The following COPG1 variants were observed in gnomAD, a reference collection of about 807,000 sequenced individuals.
COPG1 encodes coatomer subunit gamma-1.
Under a neutral mutation model 102.8 loss-of-function variants are expected in COPG1, and 29 were observed. The ratio of observed to expected loss-of-function variants is 0.28; its 90% CI spans 0.21 to 0.38. COPG1 has a LOEUF of 0.38. Among genes scored for constraint, COPG1 ranks in the 10% least tolerant of loss-of-function variants. The pLI is 1.00. For synonymous variants in COPG1, 406 were observed against 421.6 expected (o/e 0.96, Z 0.45); for missense variants, 875 against 1,132.7 (o/e 0.77, Z 3.27).
Position 129,271,909 on chromosome 3 carries a change from G to A in COPG1, c.1986G>A (p.Gln662=). The change falls in exon 19 of 24, where the codon CAG becomes CAA. Residue 662 remains glutamine, a splice_region_variant and synonymous_variant. Transcript: ENST00000314797. This position sits in a 1 kb window ranked among gnomAD's most constrained non-coding sequence, Gnocchi z 4.7. ...CCTTCACCAACCACATGGTTTTTCA[G>A]GTGAGCAAGGTGGGCTGAGGCCCTG... The part of the protein sequence containing the change: ...KHTFTNHMVF[Q]FDCTNTLNDQ... 6.2e-7 allele frequency: 1 copy of A among 1,613,804 alleles called. No homozygotes were observed. Among genetic ancestry groups the A allele is most frequent in the Non-Finnish European group, 8.5e-7 (1 of 1,179,894 alleles).
intron 20 of COPG1, 104 bp downstream of exon 20, chr3:129,272,519 C>T: frequency 1.1e-6 from 1 of 944,916 alleles, no homozygotes; most frequent in Non-Finnish European, 1.6e-6. Flanking sequence ...AGAGCTTCAG[C>T]TCCTTGATTT....
intron 5 of COPG1, among the ~76,000 whole-genome samples, chr3:129,254,086 C>T (rs909966315): frequency 3.3e-5 from 5 of 150,804 alleles, no homozygotes; most frequent in South Asian, 2.1e-4. Context: ...ATCACAAGGT[C>T]GGGAGTTCAA....
chr3:129,254,584 T>C, intron 5 of COPG1, 84 bp from the exon 6 acceptor site: 12 of 969,746 alleles, frequency 1.2e-5, no homozygotes, highest in Non-Finnish European at 1.8e-5. Context: ...CGTGTAGTAA[T>C]CTGGGCAAGG....
In COPG1 at chr3:129,257,926, C is replaced by A. The variant is rs199856812; in HGVS notation, c.871+66C>A. 21 of 1,578,728 alleles carry A rather than the reference C, an allele frequency of 1.3e-5. No individual in the cohort carries two copies. The East Asian group carries it at 4.0e-4, about 30-fold the overall frequency. On this transcript the variant is annotated intron_variant, in intron 10 of 23. Coordinates refer to ENST00000314797, the MANE Select transcript of COPG1 (RefSeq NM_016128.4). The stretch of plus-strand genomic sequence containing the variant: ...TTGCTGGGAACTAGGCCTGGGTTCC[C>A]GGGCTAGGAGAAAGAAAGAAAATGC...
At chr3:129,252,516 T>C in intron 3 of COPG1, 107 bp from the exon 4 acceptor site, 1 of 1,074,154 alleles carries the variant, frequency 9.3e-7, no homozygotes, top group Admixed American at 1.9e-5. Context: ...TCTCATATGT[T>C]GCCCTTGAGC....
At chr3:129,272,783 C>G (rs962464678) in intron 20 of COPG1, 24 bp from the exon 21 acceptor site, 2 of 1,540,922 alleles carry the variant, frequency 1.3e-6, no homozygotes. Context: ...GACATCCTAA[C>G]TACCCAGCCT....
chr3:129,265,665 G>A lies in COPG1; in HGVS notation c.1341G>A (p.Glu447=). The part of the protein sequence containing the change: ...SHLCEFIEDC[E]FTVLATRILH... ...TGTGCGAGTTCATCGAGGACTGCGAGTTCACAGTGCTGGCCACCCGTATTC... is the reference window on the plus strand; with the variant it reads ...TGTGCGAGTTCATCGAGGACTGCGAATTCACAGTGCTGGCCACCCGTATTC... Residue 447 remains glutamate (E), a synonymous_variant, in exon 14 of 24, where the codon GAG becomes GAA. Coordinates refer to ENST00000314797, the MANE Select transcript of COPG1 (RefSeq NM_016128.4). The A allele has an allele frequency of 6.2e-7, 1 of 1,614,204 alleles. No homozygotes were observed.
At chr3:129,265,486 T>C (rs1940035371) in intron 13 of COPG1, 63 bp from the exon 14 acceptor site, 1 of 1,584,194 alleles carries the variant, frequency 6.3e-7, no homozygotes, top group Non-Finnish European at 8.6e-7. Flanking sequence ...TTGGTCCAGC[T>C]CAGGTCTTCA....
rs779226576 is a variant in COPG1, at chr3:129,255,081, T to C, written c.492+4T>C. 1 of 1,608,068 alleles carries C rather than the reference T, an allele frequency of 6.2e-7. No individual in the cohort carries two copies. The highest frequency in any genetic ancestry group is 1.1e-5 in the South Asian group (1 of 90,910). ...CTCTGCCCTCGTGTCTTCCTTGGTG[T>C]GTAGTTGCTGCTGGAGCCCTGCTGG... On this transcript the variant is annotated splice_donor_region_variant and intron_variant, in intron 7 of 23. Transcript: ENST00000314797.
chr3:129,272,484 G>A, intron 20 of COPG1, 69 bp downstream of exon 20: 1 of 1,339,666 alleles, frequency 7.5e-7, no homozygotes, highest in Non-Finnish European at 1.0e-6. Flanking sequence ...GTGGGCGGCT[G>A]GGCACCAGCT....
At chr3:129,272,126 G>A in intron 19 of COPG1, 118 bp from the exon 20 acceptor site, 1 of 1,093,482 alleles carries the variant, frequency 9.1e-7, no homozygotes, top group South Asian at 1.5e-5. Flanking sequence ...CTGGGGCAGG[G>A]GGACTGGGAT....
intron 13 of COPG1, among the ~76,000 whole-genome samples, chr3:129,264,821 G>GTTT (rs112474062): frequency 6.9e-6 from 1 of 145,026 alleles, no homozygotes; most frequent in Non-Finnish European, 1.5e-5. Flanking sequence ...CATGATAGCA[G>GTTT]TTTTTTTTTT....
rs751722653 is a variant in COPG1, at chr3:129,257,581, A to G, written c.691A>G (p.Met231Val). 2.5e-6 allele frequency: 4 copies of G among 1,614,126 alleles called. No individual in the cohort carries two copies. The highest frequency in any genetic ancestry group is 4.5e-5 in the East Asian group (2 of 44,898). ...CCTTAAGTCTCCCTTTGCCTACTGC[A>G]TGATGATCCGGGTGGCCAGCAAGCA... ...HGLKSPFAYC[M>V]MIRVASKQLE... The change falls in exon 9 of 24, where the codon ATG (methionine) becomes GTG (valine). Residue 231 changes from methionine to valine, a missense_variant. By Grantham distance (21) the Met-to-Val change is conservative. Coordinates refer to ENST00000314797, the MANE Select transcript of COPG1 (RefSeq NM_016128.4).
chr3:129,268,167 C>T, intron 16 of COPG1, 127 bp downstream of exon 16: 1 of 787,824 alleles, frequency 1.3e-6, no homozygotes, highest in Non-Finnish European at 2.1e-6. Flanking sequence ...CTCATGGCAT[C>T]ATGGTGACCT....
intron 21 of COPG1, among the ~76,000 whole-genome samples, chr3:129,273,588 A>G (rs1021239975): frequency 5.3e-5 from 8 of 152,214 alleles, no homozygotes; most frequent in South Asian, 2.1e-4. Flanking sequence ...ATACTGTTAT[A>G]TACTATGTCA....
Position 129,257,745 on chromosome 3 carries a change from T to C in COPG1, c.756T>C (p.Phe252=), listed in dbSNP as rs773358694. ...EEDGSRDSPL[F]DFIESCLRNK... is the part of the protein sequence containing the mutation. ...TTTGTAGCCGTGACAGCCCACTGTT[T>C]GACTTCATCGAGAGCTGCTTGCGCA... The change falls in exon 10 of 24, where the codon TTT becomes TTC. Residue 252 remains phenylalanine, a synonymous_variant. Coordinates refer to ENST00000314797, the MANE Select transcript of COPG1 (RefSeq NM_016128.4). 6.2e-6 allele frequency: 10 copies of C among 1,614,158 alleles called. 1 individual carries two copies. In the Admixed American group the frequency reaches 8.3e-5, roughly 13 times the overall value.
Position 129,277,320 on chromosome 3 carries a change from C to T in COPG1, c.2521C>T (p.Leu841=), listed in dbSNP as rs771307039. The T allele has an allele frequency of 6.2e-7, 1 of 1,614,016 alleles. No homozygotes were observed. The highest frequency in any genetic ancestry group is 2.2e-5 in the East Asian group (1 of 44,878). The change falls in exon 24 of 24, where the codon CTG becomes TTG. Residue 841 remains leucine, a synonymous_variant. Transcript: ENST00000314797. ...TGTGTTCCGGGGTGGTCATGACATC[C>T]TGGTGCGCTCCCGGCTGCTGCTTTT... ...AGVFRGGHDI[L]VRSRLLLLDT... is the part of the protein sequence containing the mutation.
rs527930168 is a variant in COPG1, at chr3:129,262,978, G to A, written c.1129-926G>A. ...GTGGAGGTTGCAGTAAGCCGAGATCGTGCCACTGCACTCCAGACAGAGCGA... is the reference window on the plus strand; with the variant it reads ...GTGGAGGTTGCAGTAAGCCGAGATCATGCCACTGCACTCCAGACAGAGCGA... On this transcript the variant is annotated intron_variant, in intron 12 of 23. Coordinates refer to ENST00000314797, the MANE Select transcript of COPG1 (RefSeq NM_016128.4). Among the ~76,000 whole-genome samples the A allele has an allele frequency of 2.3e-4, 33 of 146,568 alleles. No individual in the cohort carries two copies. The East Asian group carries it at 6.5e-3, about 29-fold the overall frequency.
In COPG1 at chr3:129,275,033, T is replaced by G. The variant is rs1940239724; in HGVS notation, c.2395+57T>G. On this transcript the variant is annotated intron_variant, in intron 22 of 23. Coordinates refer to ENST00000314797, the MANE Select transcript of COPG1 (RefSeq NM_016128.4). This position sits in a 1 kb window ranked among gnomAD's most constrained non-coding sequence, Gnocchi z 5.0. ...ATTACTGTTCAAGATCTTTGGCTAC[T>G]ATTGAAGTGCTCATCCCTTTTCTCT... is the stretch of plus-strand genomic sequence containing the variant. The G allele has an allele frequency of 1.9e-6, 3 of 1,589,492 alleles. No individual in the cohort carries two copies. The African/African-American group carries it at 4.0e-5, about 21-fold the overall frequency.
Sources: gnomAD v4.1 joint callset for allele counts (sites outside exome capture counted in the v4.1 genomes callset) on GRCh38, gnomAD v4.1.1 for gene constraint, Gnocchi (gnomAD v3.1) non-coding constraint, MANE v1.5 for transcripts, NCBI Gene and HGNC (gene_info 2026-07-23, HGNC 2026-07-21) for gene names.